F5: variants seen among roughly 807,000 people sequenced by gnomAD.
F5 encodes activated protein c cofactor.
Under a neutral mutation model 216.4 loss-of-function variants are expected in F5, and 138 were observed. The ratio of observed to expected loss-of-function variants is 0.64; its 90% CI spans 0.56 to 0.73. The LOEUF (loss-of-function observed/expected upper bound fraction) is 0.73. F5 is among the 30% of genes least tolerant of loss of function. The pLI, the probability that F5 is intolerant of heterozygous loss-of-function variation, is 0.00. For missense variants in F5, 2,403 were observed against 2,674.0 expected, an observed-to-expected ratio of 0.90 and a Z score of 2.24; for synonymous variants, 916 against 930.7, an observed-to-expected ratio of 0.98 and a Z score of 0.29.
intron 11 of F5, among the ~76,000 whole-genome samples, chr1:169,545,343 T>C (rs1659973032): frequency 6.6e-6 from 1 of 152,202 alleles, no homozygotes; most frequent in Non-Finnish European, 1.5e-5. Context: ...TGGACTGAGA[T>C]ATGCTGTGAG....
chr1:169,558,044 T>C (rs2101831201), intron 5 of F5, among the ~76,000 whole-genome samples: 2 of 152,332 alleles, frequency 1.3e-5, no homozygotes, highest in Middle Eastern at 6.8e-3. Context: ...AATTTATTTT[T>C]ATTTTTGTGC....
intron 10 of F5, among the ~76,000 whole-genome samples, chr1:169,546,964 A>G (rs1190215456): frequency 1.4e-5 from 1 of 70,944 alleles, no homozygotes; most frequent in Non-Finnish European, 3.0e-5. Context: ...ACCCGTCTCT[A>G]CTAAAAAAAA....
intron 19 of F5, 94 bp from the exon 20 acceptor site, chr1:169,523,998 G>T: frequency 9.6e-7 from 1 of 1,047,048 alleles, no homozygotes; most frequent in Non-Finnish European, 1.5e-6. Context: ...CCAGATCCTT[G>T]GAGGACCTGT....
chr1:169,536,746 G>T lies in F5; in HGVS notation c.4797-66C>A, dbSNP rs1047958430. 1.2e-5 allele frequency: 16 copies of T among 1,329,976 alleles called. No homozygotes were observed. The African/African-American group carries it at 2.0e-4, about 17-fold the overall frequency. 82.4% of individuals were successfully genotyped at this position (1,329,976 alleles called of 1,614,324 possible). A position where few individuals can be genotyped will look rare whatever the true frequency, so the allele number is the denominator to read the frequency against. On this transcript the variant is annotated intron_variant, in intron 13 of 24. Transcript: ENST00000367797. ...GACTGTTCCCAGAATTTAGGAAATTGTCTCTTTCTAAATATAGCATCTAGC... is the reference window on the plus strand; with the variant it reads ...GACTGTTCCCAGAATTTAGGAAATTTTCTCTTTCTAAATATAGCATCTAGC...
At position 169,550,018 on chromosome 1, in the gene F5, G is replaced by C; in HGVS notation, c.1397-3C>G. The C allele has an allele frequency of 6.2e-7, 1 of 1,611,808 alleles. No individual in the cohort carries two copies. Among genetic ancestry groups the C allele is most frequent in the South Asian group, 1.1e-5 (1 of 90,984 alleles). ...TCTGATCATGGTGTTGTTCCTGCCTGAAAGAAAATATATTCAAAATTGTTT... is the reference window on the plus strand; with the variant it reads ...TCTGATCATGGTGTTGTTCCTGCCTCAAAGAAAATATATTCAAAATTGTTT... On this transcript the variant is annotated splice_polypyrimidine_tract_variant and splice_region_variant and intron_variant, in intron 9 of 24. Coordinates refer to ENST00000367797, the MANE Select transcript of F5 (RefSeq NM_000130.5).
chr1:169,532,573 A>G (rs1316576062), intron 14 of F5, among the ~76,000 whole-genome samples: 1 of 152,212 alleles, frequency 6.6e-6, no homozygotes, highest in Non-Finnish European at 1.5e-5. Flanking sequence ...GCATTTCTAT[A>G]CATCAGTAAT....
intron 23 of F5, chr1:169,515,848 CCTT>C: frequency 1.1e-5 from 6 of 549,716 alleles, no homozygotes; most frequent in Middle Eastern, 5.1e-4. Context: ...ATAATTGTTT[CCTT>C]CTTAGCATTC....
Position 169,549,954 on chromosome 1 carries a change from G to A in F5, c.1458C>T (p.Asn486=), listed in dbSNP as rs1458945215. 6.2e-7 allele frequency: 1 copy of A among 1,614,108 alleles called. No individual in the cohort carries two copies. The highest frequency in any genetic ancestry group is 8.5e-7 in the Non-Finnish European group (1 of 1,180,004). The change falls in exon 10 of 25, where the codon AAC becomes AAT. Residue 486 remains asparagine (N), a synonymous_variant. Coordinates refer to ENST00000367797, the MANE Select transcript of F5 (RefSeq NM_000130.5). ...CTGTGGGTTCATCAAACTCTAAGATGTTCCACTTATAAGTATAGGTTTCCC... is the reference window on the plus strand; with the variant it reads ...CTGTGGGTTCATCAAACTCTAAGATATTCCACTTATAAGTATAGGTTTCCC... ...QPGETYTYKW[N]ILEFDEPTEN...
chr1:169,538,244 T>A (rs180859876), intron 13 of F5, among the ~76,000 whole-genome samples: 2 of 152,250 alleles, frequency 1.3e-5, no homozygotes, highest in East Asian at 3.9e-4. Flanking sequence ...GAAAGACAAG[T>A]ACTGCAGGAT....
chr1:169,550,017 T>C lies in F5; in HGVS notation c.1397-2A>G. 1 of 1,611,802 alleles carries C rather than the reference T, an allele frequency of 6.2e-7. No homozygotes were observed. The highest frequency in any genetic ancestry group is 8.5e-7 in the Non-Finnish European group (1 of 1,178,216). On this transcript the variant is annotated splice_acceptor_variant, in intron 9 of 24. Transcript: ENST00000367797. LOFTEE classifies it high-confidence loss of function. ...CTCTGATCATGGTGTTGTTCCTGCC[T>C]GAAAGAAAATATATTCAAAATTGTT...
In F5 at chr1:169,541,831, G is replaced by A. The variant is rs771314328; in HGVS notation, c.3259C>T (p.Pro1087Ser). 2 of 1,614,088 alleles carry A rather than the reference G, an allele frequency of 1.2e-6. No individual in the cohort carries two copies. Among genetic ancestry groups the A allele is most frequent in the South Asian group, 1.1e-5 (1 of 91,080 alleles). Residue 1087 changes from proline to serine, a missense_variant, in exon 13 of 25, where the codon CCC becomes TCC. Physicochemically the swap from Pro to Ser is moderately conservative, Grantham distance 74 (BLOSUM62 -1). Coordinates refer to ENST00000367797, the MANE Select transcript of F5 (RefSeq NM_000130.5). ...GCTATCCAGCCAAAATCCATAGAGG[G>A]CAATGTCTGATTGAGGTCTGTGGGA... is the stretch of plus-strand genomic sequence containing the variant. ...SLPTDLNQTL[P>S]SMDFGWIASL...
intron 7 of F5, among the ~76,000 whole-genome samples, chr1:169,554,808 T>G (rs1660271792): frequency 6.6e-6 from 1 of 152,252 alleles, no homozygotes; most frequent in Non-Finnish European, 1.5e-5. Context: ...GAGTAACTTT[T>G]CAAGGGTTTA....
At chr1:169,533,549 G>A (rs911561362) in intron 14 of F5, among the ~76,000 whole-genome samples, 6 of 152,092 alleles carry the variant, frequency 3.9e-5, no homozygotes, top group Non-Finnish European at 8.8e-5. Flanking sequence ...AATTGAACAA[G>A]CGAAATACAA....
At chr1:169,581,247 G>A (rs1186309620) in intron 2 of F5, among the ~76,000 whole-genome samples, 1 of 152,170 alleles carries the variant, frequency 6.6e-6, no homozygotes, top group Non-Finnish European at 1.5e-5. Context: ...ATGTCTAGTA[G>A]TAAAAGAACA....
chr1:169,586,110 A>T, intron 1 of F5, 119 bp downstream of exon 1: 1 of 1,119,070 alleles, frequency 8.9e-7, no homozygotes, highest in Non-Finnish European at 1.3e-6. Context: ...CCTATTAGTT[A>T]TATTTACTTA....
At position 169,513,795 on chromosome 1, in the gene F5, C is replaced by A. The variant is rs1326434390; in HGVS notation, c.*518G>T. The stretch of plus-strand genomic sequence containing the variant: ...GGAAAGATGCTTGGCTGTTTTTTTA[C>A]TCATGGAAAGTCAGAAAAATCATTG... On this transcript the variant is annotated 3_prime_UTR_variant, in exon 25 of 25. Coordinates refer to ENST00000367797, the MANE Select transcript of F5 (RefSeq NM_000130.5). 2.0e-5 allele frequency among the ~76,000 whole-genome samples: 3 copies of A among 151,970 alleles called. No homozygotes were observed. The highest frequency in any genetic ancestry group is 6.6e-5 in the Admixed American group (1 of 15,252).
rs994622921 is a variant in F5 at position 169,525,021 on chromosome 1, T to C, written c.5717-113A>G. On this transcript the variant is annotated intron_variant, in intron 18 of 24. Coordinates refer to ENST00000367797, the MANE Select transcript of F5 (RefSeq NM_000130.5). ...GACTCAATAATTAGATATTTTTACC[T>C]ACCTTGTGTGGCCCTGACTTAAATA... 4 of 844,420 alleles carry C rather than the reference T, an allele frequency of 4.7e-6. No homozygotes were observed. In the African/African-American group the frequency reaches 5.1e-5, roughly 11 times the overall value. 52.3% of individuals were successfully genotyped at this position (844,420 alleles called of 1,614,324 possible). A position where few individuals can be genotyped will look rare whatever the true frequency, so the allele number is the denominator to read the frequency against.
At chr1:169,584,986 A>G (rs1006735025) in intron 1 of F5, among the ~76,000 whole-genome samples, 2 of 152,184 alleles carry the variant, frequency 1.3e-5, no homozygotes, top group Non-Finnish European at 2.9e-5. Context: ...AACTACAGAC[A>G]AGAGAAAAAA....
At chr1:169,526,153 G>C (rs1659445289) in intron 17 of F5, 136 bp from the exon 18 acceptor site, 1 of 647,152 alleles carries the variant, frequency 1.5e-6, no homozygotes, top group Non-Finnish European at 2.8e-6. Flanking sequence ...CTTTAGGTAG[G>C]ACTGAAAGTA....
Sources: allele counts gnomAD v4.1 joint callset (sites outside exome capture counted in the v4.1 genomes callset), GRCh38; gene constraint gnomAD v4.1.1; transcripts MANE v1.5; gene names NCBI Gene and HGNC (gene_info 2026-07-23, HGNC 2026-07-21).